The following EDAR variants were observed in gnomAD, a reference collection of about 807,000 sequenced individuals.
The protein encoded by EDAR is ectodysplasin A receptor, also known as tumor necrosis factor receptor superfamily member EDAR.
Under a neutral mutation model 51.3 loss-of-function variants are expected in EDAR, and 38 were observed. The ratio of observed to expected loss-of-function variants is 0.74; its 90% CI spans 0.57 to 0.97. EDAR has a LOEUF of 0.97. Ranked by LOEUF, EDAR falls within the 50% of genes least tolerant of loss-of-function variation. EDAR has a pLI of 0.00. For missense variants in EDAR, 528 were observed against 595.0 expected (o/e 0.89, Z 1.17); for synonymous variants, 227 against 242.1 (o/e 0.94, Z 0.58).
chr2:108,937,620 GTGTC>G (rs935812893), intron 1 of EDAR, among the ~76,000 whole-genome samples: 37 of 80,724 alleles, frequency 4.6e-4, no homozygotes, highest in African/African-American at 8.9e-4. Flanking sequence ...ATGTGTGTGA[GTGTC>G]TGTATGTTTA....
intron 11 of EDAR, among the ~76,000 whole-genome samples, chr2:108,900,407 T>C (rs1282246819): frequency 6.6e-6 from 1 of 151,844 alleles, no homozygotes; most frequent in African/African-American, 2.4e-5. Context: ...TATACAAAAT[T>C]AGCTGGTGTG....
intron 1 of EDAR, among the ~76,000 whole-genome samples, chr2:108,987,401 T>C (rs1245878101): frequency 6.6e-6 from 1 of 152,154 alleles, no homozygotes; most frequent in Non-Finnish European, 1.5e-5. Context: ...CGGAGCAATG[T>C]TGGGCTGCCG....
In EDAR at chr2:108,930,122, G is replaced by C; in HGVS notation, c.172C>G (p.Leu58Val). The C allele has an allele frequency of 1.9e-6, 3 of 1,613,450 alleles. No homozygotes were observed. The highest frequency in any genetic ancestry group is 2.5e-6 in the Non-Finnish European group (3 of 1,179,810). ...PPCGPGEEPY[L>V]SCGYGTKDED... ...CTCCAGGAGGGCTGGGTCCTTACCA[G>C]GTAGGGCTCCTCTCCCGGCCCACAC... Residue 58 changes from leucine (L) to valine (V), a missense_variant and splice_region_variant, in exon 3 of 12, where the codon CTG becomes GTG. Coordinates refer to ENST00000258443, the MANE Select transcript of EDAR (RefSeq NM_022336.4).
intron 5 of EDAR, among the ~76,000 whole-genome samples, chr2:108,920,121 G>A (rs2105423931): frequency 6.6e-6 from 1 of 152,380 alleles, no homozygotes; most frequent in Admixed American, 6.5e-5. Flanking sequence ...CCGCCAGTCA[G>A]TGAGGGAAGT....
intron 1 of EDAR, among the ~76,000 whole-genome samples, chr2:108,958,504 CA>C (rs1697967669): frequency 6.6e-6 from 1 of 151,908 alleles, no homozygotes; most frequent in East Asian, 1.9e-4. Context: ...TTTGTTCAGG[CA>C]GGGGGCAGAA....
At chr2:108,969,666 T>C (rs1433032048) in intron 1 of EDAR, among the ~76,000 whole-genome samples, 1 of 152,244 alleles carries the variant, frequency 6.6e-6, no homozygotes, top group Non-Finnish European at 1.5e-5. Context: ...AAAAGATATT[T>C]ATTAAGTGCT....
chr2:108,947,649 T>C (rs1574398595), intron 1 of EDAR, among the ~76,000 whole-genome samples: 1 of 152,332 alleles, frequency 6.6e-6, no homozygotes, highest in East Asian at 1.9e-4. Flanking sequence ...TCTGAAGCAA[T>C]GGCCTGAGCT....
Position 108,921,212 on chromosome 2 carries a change from G to A in EDAR, c.442+2156C>T, listed in dbSNP as rs150088492. Among the ~76,000 whole-genome samples the A allele has an allele frequency of 7.9e-3, 1,202 of 152,244 alleles. 23 individuals carry two copies. The highest frequency in any genetic ancestry group is 0.026 in the African/African-American group (1,089 of 41,546). Reference sequence around the variant, plus strand: ...GGCATAGGGTTAGAGCCTGGGAGGTGTGGGGCAGAGCTGTGGGCACTCCTA... The same window carrying A: ...GGCATAGGGTTAGAGCCTGGGAGGTATGGGGCAGAGCTGTGGGCACTCCTA... On this transcript the variant is annotated intron_variant, in intron 5 of 11. Coordinates refer to ENST00000258443, the MANE Select transcript of EDAR (RefSeq NM_022336.4).
At chr2:108,927,201 G>A (rs1697273424) in intron 4 of EDAR, among the ~76,000 whole-genome samples, 1 of 152,222 alleles carries the variant, frequency 6.6e-6, no homozygotes, top group Non-Finnish European at 1.5e-5. Context: ...TCTCTGCACA[G>A]GGTCCCTTGC....
chr2:108,904,168 A>T (rs1439899266), intron 11 of EDAR, among the ~76,000 whole-genome samples: 1 of 152,208 alleles, frequency 6.6e-6, no homozygotes, highest in African/African-American at 2.4e-5. Context: ...ACATGAAGAA[A>T]CATTCATTTT....
In EDAR at chr2:108,962,196, T is replaced by C. The variant is rs74473229; in HGVS notation, c.-19+26764A>G. On this transcript the variant is annotated intron_variant, in intron 1 of 11. Transcript: ENST00000258443. ...GGTTCCCTGATGGCAGATGGCGCAT[T>C]GCAGATTGCGCTGAGATGCTCGGAC... is the stretch of plus-strand genomic sequence containing the variant. Among the ~76,000 whole-genome samples the C allele has an allele frequency of 7.9e-3, 1,199 of 152,326 alleles. 10 individuals carry two copies. Among genetic ancestry groups the C allele is most frequent in the South Asian group, 0.029 (141 of 4,828 alleles).
chr2:108,942,167 G>T (rs1057171220), intron 1 of EDAR, among the ~76,000 whole-genome samples: 1 of 152,172 alleles, frequency 6.6e-6, no homozygotes, highest in Non-Finnish European at 1.5e-5. Flanking sequence ...CGCCAGACGT[G>T]TCACTAAACC....
intron 5 of EDAR, among the ~76,000 whole-genome samples, chr2:108,918,447 G>T (rs1332813981): frequency 6.6e-6 from 1 of 152,174 alleles, no homozygotes; most frequent in Non-Finnish European, 1.5e-5. Context: ...CCAACTGCGG[G>T]TCCATCTCCC....
chr2:108,944,597 C>T (rs1466157613), intron 1 of EDAR, among the ~76,000 whole-genome samples: 1 of 152,072 alleles, frequency 6.6e-6, no homozygotes, highest in Admixed American at 6.5e-5. Flanking sequence ...CATTCCTGCC[C>T]TCAGCAGACC....
chr2:108,944,997 T>C (rs1434314975), intron 1 of EDAR, among the ~76,000 whole-genome samples: 1 of 152,170 alleles, frequency 6.6e-6, no homozygotes, highest in Non-Finnish European at 1.5e-5. Flanking sequence ...GATCACCGTA[T>C]TATACCAGCC....
chr2:108,941,684 C>T (rs1423474705), intron 1 of EDAR, among the ~76,000 whole-genome samples: 1 of 152,228 alleles, frequency 6.6e-6, no homozygotes, highest in Admixed American at 6.5e-5. Flanking sequence ...TGGTGTCTTA[C>T]AACAACCTGA....
At chr2:108,978,614 C>T (rs1698371347) in intron 1 of EDAR, among the ~76,000 whole-genome samples, 1 of 152,076 alleles carries the variant, frequency 6.6e-6, no homozygotes, top group Admixed American at 6.5e-5. Context: ...ATAAATAATT[C>T]ATTTTAACTA....
intron 4 of EDAR, among the ~76,000 whole-genome samples, chr2:108,924,470 G>A (rs894516370): frequency 3.3e-5 from 5 of 152,210 alleles, no homozygotes; most frequent in South Asian, 2.1e-4. Context: ...ATTAAATAAC[G>A]TGAGCGGTGC....
At chr2:108,958,721 A>T (rs1697974872) in intron 1 of EDAR, among the ~76,000 whole-genome samples, 1 of 152,180 alleles carries the variant, frequency 6.6e-6, no homozygotes, top group African/African-American at 2.4e-5. Flanking sequence ...ACCCCTAGAT[A>T]TCTGGCCCAG....
Sources: gnomAD v4.1 joint callset for allele counts (sites outside exome capture counted in the v4.1 genomes callset) on GRCh38, gnomAD v4.1.1 for gene constraint, MANE v1.5 for transcripts, NCBI Gene and HGNC (gene_info 2026-07-23, HGNC 2026-07-21) for gene names.